The following STXBP6 variants were observed in gnomAD, a reference collection of about 807,000 sequenced individuals.
STXBP6 encodes syntaxin binding protein 6.
Under a neutral mutation model 26.9 loss-of-function variants are expected in STXBP6, and 21 were observed. That is an observed-to-expected ratio of 0.78 (90% CI 0.55 to 1.12). STXBP6 has a LOEUF of 1.12. Ranked by LOEUF, STXBP6 falls within the 50% of genes most tolerant of loss-of-function variation. The pLI is 0.00. For missense variants in STXBP6, 232 were observed against 257.9 expected, an observed-to-expected ratio of 0.90 and a Z score of 0.69; for synonymous variants, 97 against 92.6, an observed-to-expected ratio of 1.05 and a Z score of -0.27.
At chr14:24,955,035 A>G (rs374176778) in intron 2 of STXBP6, among the ~76,000 whole-genome samples, 440 of 152,354 alleles carry the variant, frequency 2.9e-3, no homozygotes, top group African/African-American at 0.01. Context: ...GGATTAAGTA[A>G]GCTCACACAT....
intron 4 of STXBP6, among the ~76,000 whole-genome samples, chr14:24,837,282 C>T (rs1011930146): frequency 2.0e-5 from 3 of 152,060 alleles, no homozygotes; most frequent in Admixed American, 6.5e-5. Context: ...AACTTAAAGG[C>T]CAACCAGACA....
At chr14:25,044,654 T>C (rs1189220006) in intron 1 of STXBP6, among the ~76,000 whole-genome samples, 1 of 152,216 alleles carries the variant, frequency 6.6e-6, no homozygotes, top group African/African-American at 2.4e-5. Flanking sequence ...ATTACTCTGT[T>C]GCCCAGGCTG....
At chr14:24,898,684 A>C (rs543852039) in intron 2 of STXBP6, among the ~76,000 whole-genome samples, 4 of 152,326 alleles carry the variant, frequency 2.6e-5, no homozygotes, top group African/African-American at 9.6e-5. Flanking sequence ...CTCAAAAAAA[A>C]CAAAACAAAA....
chr14:24,973,438 T>C (rs759855148), intron 2 of STXBP6, among the ~76,000 whole-genome samples: 20 of 141,426 alleles, frequency 1.4e-4, no homozygotes, highest in Non-Finnish European at 2.7e-4. Context: ...CAGGCTGGAG[T>C]GCAGTGGTGT....
Position 24,976,996 on chromosome 14 carries a change from G to A in STXBP6, c.-32-2146C>T, listed in dbSNP as rs147184340. Among the ~76,000 whole-genome samples, 259 of 150,968 alleles carry A rather than the reference G, an allele frequency of 1.7e-3. 4 individuals carry two copies. The highest frequency in any genetic ancestry group is 6.0e-3 in the African/African-American group (245 of 41,132). ...TACTGCCTCAGCCTCCCCAGTAGCT[G>A]TGATTACAGGTGCCTACCACCACGC... On this transcript the variant is annotated intron_variant, in intron 1 of 5. Coordinates refer to ENST00000323944, the MANE Select transcript of STXBP6 (RefSeq NM_001394410.1).
intron 1 of STXBP6, among the ~76,000 whole-genome samples, chr14:25,011,969 C>T (rs545596049): frequency 7.9e-5 from 12 of 152,288 alleles, no homozygotes; most frequent in African/African-American, 2.4e-4. Context: ...GCAACATATT[C>T]GGAGTACTGG....
Position 24,974,849 on chromosome 14 carries a change from A to C in STXBP6, c.-31T>G, listed in dbSNP as rs2074002230. 1.3e-6 allele frequency: 2 copies of C among 1,531,612 alleles called. No homozygotes were observed. Among genetic ancestry groups the C allele is most frequent in the Non-Finnish European group, 1.8e-6 (2 of 1,131,704 alleles). 94.9% of individuals were successfully genotyped at this position (1,531,612 alleles called of 1,614,324 possible). A position where few individuals can be genotyped will look rare whatever the true frequency, so the allele number is the denominator to read the frequency against. ...AACAAGTGAGGACAGCACGCAGTGA[A>C]TCTTTTAAAGAAGGAAAAGAAAGGA... On this transcript the variant is annotated splice_region_variant and 5_prime_UTR_variant, in exon 2 of 6. Coordinates refer to ENST00000323944, the MANE Select transcript of STXBP6 (RefSeq NM_001394410.1).
At chr14:24,899,807 A>AGC (rs1464170804) in intron 2 of STXBP6, among the ~76,000 whole-genome samples, 24 of 148,886 alleles carry the variant, frequency 1.6e-4, no homozygotes, top group Non-Finnish European at 2.4e-4. Context: ...AAAGCAAAAA[A>AGC]AAAAAAAAAG....
intron 1 of STXBP6, among the ~76,000 whole-genome samples, chr14:25,023,109 A>G (rs1452848266): frequency 6.6e-6 from 1 of 152,266 alleles, no homozygotes; most frequent in East Asian, 1.9e-4. Context: ...AAGGATGCAA[A>G]TGACTACTTC....
rs193172047 is a variant in STXBP6, at chr14:24,932,380, G to A, written c.154+42285C>T. Among the ~76,000 whole-genome samples, 54 of 152,210 alleles carry A rather than the reference G, an allele frequency of 3.5e-4. 1 individual carries two copies. The highest frequency in any genetic ancestry group is 1.3e-3 in the African/African-American group (52 of 41,530). On this transcript the variant is annotated intron_variant, in intron 2 of 5. Coordinates refer to ENST00000323944, the MANE Select transcript of STXBP6 (RefSeq NM_001394410.1). ...TCTTTAAAGTTTCTTTGGCTTAGCC[G>A]GACATGGTGGTACATGCCTATGTTG...
rs929073274 is a variant in STXBP6 at position 25,049,597 on chromosome 14, T to A, written c.-33+281A>T. 6.1e-6 allele frequency: 6 copies of A among 985,316 alleles called. 1 individual carries two copies. The African/African-American group carries it at 8.7e-5, about 14-fold the overall frequency. The allele number at this position is 985,316 out of a possible 1,614,324, so 61.0% of individuals were successfully genotyped here. ...GGAGGAAATCGCTCCGTTCTGCGGC[T>A]TGCCCAATACTGCCCGCACAACGGG... On this transcript the variant is annotated intron_variant, in intron 1 of 5. Coordinates refer to ENST00000323944, the MANE Select transcript of STXBP6 (RefSeq NM_001394410.1). The surrounding 1 kb of genome is among the most constrained non-coding windows in gnomAD (Gnocchi z 5.6).
intron 2 of STXBP6, among the ~76,000 whole-genome samples, chr14:24,956,963 C>G (rs994174185): frequency 6.6e-6 from 1 of 152,136 alleles, no homozygotes; most frequent in African/African-American, 2.4e-5. Context: ...TCCCTGAAGA[C>G]GGAGTCACAT....
intron 1 of STXBP6, among the ~76,000 whole-genome samples, chr14:24,996,604 C>A (rs1364115807): frequency 6.6e-6 from 1 of 151,820 alleles, no homozygotes; most frequent in Non-Finnish European, 1.5e-5. Context: ...GTAATCCCAG[C>A]ACTTTGGGAG....
intron 1 of STXBP6, among the ~76,000 whole-genome samples, chr14:24,975,477 T>C (rs2140207682): frequency 1.3e-5 from 2 of 152,352 alleles, no homozygotes; most frequent in South Asian, 4.1e-4. Context: ...CCTCTGCATC[T>C]AGTTACCATG....
At chr14:24,822,694 CTTCT>C (rs750669199) in intron 4 of STXBP6, among the ~76,000 whole-genome samples, 6 of 152,106 alleles carry the variant, frequency 3.9e-5, no homozygotes, top group African/African-American at 9.7e-5. Flanking sequence ...AAGACTACAT[CTTCT>C]TTCTATGTAA....
At chr14:24,912,441 C>CAAA (rs373713561) in intron 2 of STXBP6, among the ~76,000 whole-genome samples, 2,185 of 101,008 alleles carry the variant, frequency 0.022, 54 homozygotes, top group African/African-American at 0.069. Flanking sequence ...AAGTGAATGC[C>CAAA]AAAAAAAAAA....
chr14:24,838,309 C>A (rs1261826627), intron 4 of STXBP6, among the ~76,000 whole-genome samples: 2 of 152,156 alleles, frequency 1.3e-5, no homozygotes, highest in Non-Finnish European at 2.9e-5. Flanking sequence ...CTATGCCCAG[C>A]AAGCTTCACT....
Position 25,002,359 on chromosome 14 carries a change from C to CTTTTTTTTTTTT in STXBP6, c.-32-27521_-32-27510dup, listed in dbSNP as rs747010332. Among the ~76,000 whole-genome samples the CTTTTTTTTTTTT allele has an allele frequency of 4.1e-3, 495 of 121,266 alleles. 31 individuals carry two copies. The highest frequency in any genetic ancestry group is 9.6e-3 in the African/African-American group (285 of 29,600). The allele number at this position is 121,266 out of a possible 152,430, so 79.6% of individuals were successfully genotyped here. The stretch of plus-strand genomic sequence containing the variant: ...ATCCCATACAGTTAAATTCTTATGA[C>CTTTTTTTTTTTT]TTTTTTTTTTTTTTTTTTGAGACAC... On this transcript the variant is annotated intron_variant, in intron 1 of 5. Transcript: ENST00000323944.
intron 2 of STXBP6, among the ~76,000 whole-genome samples, chr14:24,914,787 G>A (rs925123165): frequency 6.6e-6 from 1 of 152,160 alleles, no homozygotes. Flanking sequence ...TTGATCAAAC[G>A]ATGAATCAAG....
Sources: gnomAD v4.1 joint callset for allele counts (sites outside exome capture counted in the v4.1 genomes callset) on GRCh38, gnomAD v4.1.1 for gene constraint, Gnocchi (gnomAD v3.1) non-coding constraint, MANE v1.5 for transcripts, NCBI Gene and HGNC (gene_info 2026-07-23, HGNC 2026-07-21) for gene names.